NFATC3: variants seen among roughly 807,000 people sequenced by gnomAD.
NFATC3 encodes nuclear factor of activated T cells 3.
Under a neutral mutation model 98.6 loss-of-function variants are expected in NFATC3, and 46 were observed. The ratio of observed to expected loss-of-function variants is 0.47; its 90% CI spans 0.37 to 0.60. The LOEUF (loss-of-function observed/expected upper bound fraction) is 0.60. Among genes scored for constraint, NFATC3 ranks in the 20% least tolerant of loss-of-function variants. The pLI, the probability that NFATC3 is intolerant of heterozygous loss-of-function variation, is 0.00. For missense variants in NFATC3, 1,256 were observed against 1,295.5 expected (o/e 0.97, Z 0.47); for synonymous variants, 512 against 472.2 (o/e 1.08, Z -1.09).
intron 9 of NFATC3, among the ~76,000 whole-genome samples, chr16:68,195,320 T>C (rs2040617551): frequency 6.6e-6 from 1 of 152,102 alleles, no homozygotes; most frequent in East Asian, 1.9e-4. Flanking sequence ...TCACATTTGC[T>C]CATTGCCACC....
intron 1 of NFATC3, among the ~76,000 whole-genome samples, chr16:68,113,953 G>A (rs148286769): frequency 5.4e-4 from 82 of 152,298 alleles, no homozygotes; most frequent in Admixed American, 4.5e-3. Flanking sequence ...GACTGGAGCC[G>A]CAGTGATGGC....
intron 9 of NFATC3, among the ~76,000 whole-genome samples, chr16:68,198,028 G>A (rs1243910366): frequency 6.6e-6 from 1 of 152,038 alleles, no homozygotes; most frequent in Admixed American, 6.6e-5. Flanking sequence ...TCAGAATTTC[G>A]GGAGTTATAG....
In NFATC3 at chr16:68,157,985, C is replaced by T. The variant is rs372761732; in HGVS notation, c.1518C>T (p.Val506=). 6.8e-6 allele frequency: 11 copies of T among 1,613,794 alleles called. No homozygotes were observed. Among genetic ancestry groups the T allele is most frequent in the East Asian group, 6.7e-5 (3 of 44,862 alleles). ...YQVHRITGKT[V]ATASQEIIIA... ...TGCATCGAATCACTGGGAAGACAGT[C>T]GCTACTGCAAGCCAAGAGATAATAA... Residue 506 remains valine, a synonymous_variant, in exon 4 of 10, where the codon GTC becomes GTT. Transcript: ENST00000346183.
intron 3 of NFATC3, among the ~76,000 whole-genome samples, chr16:68,134,941 G>A (rs780556884): frequency 6.6e-6 from 1 of 152,038 alleles, no homozygotes; most frequent in Non-Finnish European, 1.5e-5. Flanking sequence ...AAGTAAAATA[G>A]AGATAATGTT....
rs769622710 is a variant in NFATC3 at position 68,191,716 on chromosome 16, CAGA to C, written c.3051_3053del (p.Glu1017del). 6.2e-7 allele frequency: 1 copy of C among 1,614,154 alleles called. No individual in the cohort carries two copies. The highest frequency in any genetic ancestry group is 1.1e-5 in the South Asian group (1 of 91,074). On this transcript the variant is annotated inframe_deletion, in exon 9 of 10. Transcript: ENST00000346183. ...GCAACTGTGAGCATTAAACCTGAAC[CAGA>C]AGATCGAGAGCCTAACTTTGCAACC...
intron 9 of NFATC3, among the ~76,000 whole-genome samples, chr16:68,196,512 A>C (rs1379252960): frequency 6.6e-6 from 1 of 152,186 alleles, no homozygotes. Context: ...CCTAGAAAAA[A>C]AAGTTCTGCA....
intron 3 of NFATC3, among the ~76,000 whole-genome samples, chr16:68,155,348 A>G (rs1219754032): frequency 6.6e-6 from 1 of 152,216 alleles, no homozygotes; most frequent in Non-Finnish European, 1.5e-5. Context: ...TGTCATTTAC[A>G]AAGACTGAAG....
At chr16:68,172,844 T>C (rs2151609359) in intron 5 of NFATC3, among the ~76,000 whole-genome samples, 1 of 152,208 alleles carries the variant, frequency 6.6e-6, no homozygotes, top group East Asian at 1.9e-4. Flanking sequence ...AATCTACAGT[T>C]TGAAACTCAA....
chr16:68,104,093 T>C (rs1026812110), intron 1 of NFATC3, among the ~76,000 whole-genome samples: 2 of 152,208 alleles, frequency 1.3e-5, no homozygotes, highest in Non-Finnish European at 2.9e-5. Context: ...CCGTGAAATT[T>C]TGGTAGGGAT....
At chr16:68,117,198 C>T (rs1022490289) in intron 1 of NFATC3, among the ~76,000 whole-genome samples, 4 of 152,084 alleles carry the variant, frequency 2.6e-5, no homozygotes, top group East Asian at 1.9e-4. Flanking sequence ...TACTTCTGTC[C>T]ACTTGAGTAC....
intron 5 of NFATC3, among the ~76,000 whole-genome samples, chr16:68,167,810 C>CCTTTTTTTTTTTTTTTTTTTTTTT (rs2039270785): frequency 4.2e-5 from 1 of 23,898 alleles, no homozygotes; most frequent in Admixed American, 7.6e-4. Flanking sequence ...CGTATGTGTT[C>CCTTTTTTTTTTTTTTTTTTTTTTT]TTTTTTTTTT....
chr16:68,112,646 GTTTTTTTTTTT>G (rs914607835), intron 1 of NFATC3, among the ~76,000 whole-genome samples: 1 of 97,644 alleles, frequency 1.0e-5, no homozygotes, highest in African/African-American at 4.4e-5. Context: ...TTTCTTTTTC[GTTTTTTTTTTT>G]TTTTTTTTTT....
At chr16:68,173,139 G>A (rs1406389070) in intron 5 of NFATC3, among the ~76,000 whole-genome samples, 2 of 152,044 alleles carry the variant, frequency 1.3e-5, no homozygotes, top group Non-Finnish European at 2.9e-5. Flanking sequence ...GCACATGCTT[G>A]TAGTCCCAGC....
intron 6 of NFATC3, among the ~76,000 whole-genome samples, chr16:68,180,585 T>C (rs1036170862): frequency 1.3e-5 from 2 of 151,288 alleles, no homozygotes; most frequent in Non-Finnish European, 3.0e-5. Context: ...TGTGCCATGT[T>C]GGTGTGCTGC....
intron 9 of NFATC3, chr16:68,212,691 AT>A: frequency 6.6e-6 from 1 of 152,266 alleles, no homozygotes; most frequent in South Asian, 2.1e-4. Flanking sequence ...AAATACATAC[AT>A]ATACAACTAA....
In NFATC3 at chr16:68,122,953, T is replaced by C; in HGVS notation, c.1070T>C (p.Leu357Pro). 6.2e-7 allele frequency: 1 copy of C among 1,614,210 alleles called. No homozygotes were observed. Among genetic ancestry groups the C allele is most frequent in the Non-Finnish European group, 8.5e-7 (1 of 1,180,034 alleles). ...GCCATACTACCAGGAAAATTAGAGCTGTGTTCAGATGACCAAGGGAGTTTA... is the reference window on the plus strand; with the variant it reads ...GCCATACTACCAGGAAAATTAGAGCCGTGTTCAGATGACCAAGGGAGTTTA... ...QAAILPGKLE[L>P]CSDDQGSLSP... The change falls in exon 2 of 10, where the codon CTG becomes CCG. Residue 357 changes from leucine to proline, a missense_variant. Physicochemically the swap from Leu to Pro is moderately conservative, Grantham distance 98 (BLOSUM62 -3). Transcript: ENST00000346183.
chr16:68,146,036 A>G (rs936256721), intron 3 of NFATC3, among the ~76,000 whole-genome samples: 16 of 152,130 alleles, frequency 1.1e-4, no homozygotes, highest in African/African-American at 3.9e-4. Flanking sequence ...GAAGTGTCTT[A>G]GATTTTGGAT....
chr16:68,088,699 A>G (rs1271449663), intron 1 of NFATC3: 1 of 151,934 alleles, frequency 6.6e-6, no homozygotes, highest in Non-Finnish European at 1.5e-5. Context: ...ACAGCTGGCT[A>G]CGTTTTGTGT....
intron 9 of NFATC3, among the ~76,000 whole-genome samples, chr16:68,217,464 C>CAAA (rs68079157): frequency 0.017 from 770 of 44,922 alleles, 37 homozygotes; most frequent in East Asian, 0.026. Flanking sequence ...GTCTCTGTCT[C>CAAA]AAAAAAAAAA....
Sources: gnomAD v4.1 joint callset for allele counts (sites outside exome capture counted in the v4.1 genomes callset) on GRCh38, gnomAD v4.1.1 for gene constraint, MANE v1.5 for transcripts, NCBI Gene and HGNC (gene_info 2026-07-23, HGNC 2026-07-21) for gene names.